PPP1R13B: variants seen among roughly 807,000 people sequenced by gnomAD.
The protein encoded by PPP1R13B is protein phosphatase 1 regulatory subunit 13B.
A neutral mutation model predicts 119.8 loss-of-function variants in PPP1R13B; 44 were observed. That is an observed-to-expected ratio of 0.37 (90% CI 0.29 to 0.47). PPP1R13B has a LOEUF of 0.47. PPP1R13B is among the 20% of genes least tolerant of loss of function. The pLI, the probability that PPP1R13B is intolerant of heterozygous loss-of-function variation, is 0.99. For synonymous variants in PPP1R13B, 542 were observed against 561.5 expected (o/e 0.97, Z 0.49); for missense variants, 1,227 against 1,413.5 (o/e 0.87, Z 2.12).
Position 103,741,343 on chromosome 14 carries a change from G to A in PPP1R13B, c.1822+447C>T, listed in dbSNP as rs114258369. ...AAACCAAGGCTTTCCTCCCCTCTGG[G>A]CTATGGGGGAGGCTCCTACGCAGCA... On this transcript the variant is annotated intron_variant, in intron 11 of 16. Coordinates refer to ENST00000202556, the MANE Select transcript of PPP1R13B (RefSeq NM_015316.3). 4.5e-3 allele frequency among the ~76,000 whole-genome samples: 681 copies of A among 152,336 alleles called. 5 individuals are homozygous for A. The highest frequency in any genetic ancestry group is 0.016 in the African/African-American group (653 of 41,576).
chr14:103,747,560 T>A (rs2084417842), intron 8 of PPP1R13B, among the ~76,000 whole-genome samples: 1 of 151,830 alleles, frequency 6.6e-6, no homozygotes, highest in East Asian at 1.9e-4. Context: ...AAACAGGTGG[T>A]GTTTGGTTAC....
In PPP1R13B at chr14:103,797,528, A is replaced by C; in HGVS notation, c.10-10T>G. On this transcript the variant is annotated splice_polypyrimidine_tract_variant and intron_variant, in intron 1 of 16. Coordinates refer to ENST00000202556, the MANE Select transcript of PPP1R13B (RefSeq NM_015316.3). ...AAACAGTTAATATCATCTGTAAGAC[A>C]AAAGAGTAAAGCTGTAATTTAGATT... The C allele has an allele frequency of 6.2e-7, 1 of 1,606,210 alleles. No homozygotes were observed. The highest frequency in any genetic ancestry group is 2.2e-5 in the East Asian group (1 of 44,616).
intron 1 of PPP1R13B, chr14:103,818,594 C>G: frequency 1.6e-6 from 1 of 634,770 alleles, no homozygotes; most frequent in Non-Finnish European, 2.0e-6. Flanking sequence ...GGATGGCCTT[C>G]AGATGACAAT....
intron 8 of PPP1R13B, chr14:103,747,508 A>G (rs1235192944): frequency 2.0e-5 from 3 of 151,770 alleles, no homozygotes; most frequent in African/African-American, 7.2e-5. Context: ...TATTTTCCAG[A>G]TGAGATTAAC....
intron 8 of PPP1R13B, chr14:103,747,420 T>C (rs1306799365): frequency 1.3e-5 from 2 of 152,194 alleles, no homozygotes; most frequent in Non-Finnish European, 2.9e-5. Flanking sequence ...TTGTGATGGA[T>C]AACTTTACAC....
At chr14:103,770,870 A>G (rs558883635) in intron 4 of PPP1R13B, among the ~76,000 whole-genome samples, 6 of 152,332 alleles carry the variant, frequency 3.9e-5, no homozygotes, top group Admixed American at 2.0e-4. Flanking sequence ...GGGCAATAAT[A>G]AAAGAACTCC....
intron 2 of PPP1R13B, among the ~76,000 whole-genome samples, chr14:103,792,454 TG>T (rs2085646596): frequency 6.6e-6 from 1 of 152,156 alleles, no homozygotes; most frequent in South Asian, 2.1e-4. Flanking sequence ...GGATTACAGG[TG>T]TGAGCTACTG....
chr14:103,777,088 G>C (rs2085220180), intron 4 of PPP1R13B, among the ~76,000 whole-genome samples: 1 of 151,726 alleles, frequency 6.6e-6, no homozygotes, highest in Admixed American at 6.6e-5. Flanking sequence ...TGCCTCCTGG[G>C]TTCATGTGAT....
rs777637825 is a variant in PPP1R13B at position 103,792,200 on chromosome 14, G to GTGTA, written c.157+5170_157+5171insTACA. Among the ~76,000 whole-genome samples, 248 of 81,628 alleles carry GTGTA rather than the reference G, an allele frequency of 3.0e-3. 2 individuals are homozygous for GTGTA. Among genetic ancestry groups the GTGTA allele is most frequent in the African/African-American group, 8.0e-3 (231 of 28,818 alleles). 53.6% of individuals were successfully genotyped at this position (81,628 alleles called of 152,430 possible). On this transcript the variant is annotated intron_variant, in intron 2 of 16. Transcript: ENST00000202556. Reference sequence around the variant, plus strand: ...TGTGTGTGTGTGTGTGTGTGTGTGTGTATATTTTTTTAAAGACAGGGTCGC... The same window carrying GTGTA: ...TGTGTGTGTGTGTGTGTGTGTGTGTGTGTATATATTTTTTTAAAGACAGGGTCGC...
intron 8 of PPP1R13B, 137 bp downstream of exon 8, chr14:103,749,657 C>A: frequency 3.3e-6 from 3 of 908,968 alleles, no homozygotes; most frequent in Non-Finnish European, 4.9e-6. Flanking sequence ...TCTGTTCTGT[C>A]ATTTTTGATG....
chr14:103,742,028 G>A lies in PPP1R13B; in HGVS notation c.1584C>T (p.Pro528=), dbSNP rs1311656750. ...CAGGTGGTCCCGCTGGCGGGTACGT[G>A]GGACTTGGCGGTACGGAAATCCTCT... ...IQQRISVPPS[P]TYPPAGPPAF... is the part of the protein sequence containing the mutation. The change falls in exon 11 of 17, where the codon CCC becomes CCT. Residue 528 remains proline, a synonymous_variant. Coordinates refer to ENST00000202556, the MANE Select transcript of PPP1R13B (RefSeq NM_015316.3). The surrounding 1 kb of genome is among the most constrained non-coding windows in gnomAD (Gnocchi z 4.9). 6.2e-7 allele frequency: 1 copy of A among 1,614,260 alleles called. No homozygotes were observed. Among genetic ancestry groups the A allele is most frequent in the Non-Finnish European group, 8.5e-7 (1 of 1,180,054 alleles).
intron 4 of PPP1R13B, among the ~76,000 whole-genome samples, chr14:103,774,619 C>G (rs975216617): frequency 1.3e-5 from 2 of 152,188 alleles, no homozygotes; most frequent in Non-Finnish European, 2.9e-5. Flanking sequence ...CACACCAACT[C>G]AGCATCCTGC....
At chr14:103,794,613 C>A in intron 2 of PPP1R13B, 1 of 449,026 alleles carries the variant, frequency 2.2e-6, no homozygotes, top group South Asian at 1.6e-5. Context: ...CAAGAGTGAG[C>A]CACAGTGCCC....
intron 4 of PPP1R13B, among the ~76,000 whole-genome samples, chr14:103,764,827 TG>T (rs1196811800): frequency 1.3e-5 from 2 of 152,158 alleles, no homozygotes; most frequent in Non-Finnish European, 2.9e-5. Flanking sequence ...TGTTTTTTTT[TG>T]TTGTTGTTTG....
chr14:103,761,252 G>A (rs1351655418), intron 4 of PPP1R13B, among the ~76,000 whole-genome samples: 1 of 132,966 alleles, frequency 7.5e-6, no homozygotes, highest in Non-Finnish European at 1.5e-5. Flanking sequence ...CCAGCCTAGG[G>A]AACAGAGCAA....
At chr14:103,748,000 G>A (rs1321012900) in intron 8 of PPP1R13B, among the ~76,000 whole-genome samples, 1 of 151,742 alleles carries the variant, frequency 6.6e-6, no homozygotes, top group Non-Finnish European at 1.5e-5. Flanking sequence ...CCACGCTGCC[G>A]GCCGCCCTCA....
At chr14:103,806,332 C>T (rs2086017511) in intron 1 of PPP1R13B, among the ~76,000 whole-genome samples, 1 of 152,178 alleles carries the variant, frequency 6.6e-6, no homozygotes, top group Admixed American at 6.6e-5. Context: ...CCTATACCAT[C>T]TACTACTTCT....
intron 2 of PPP1R13B, among the ~76,000 whole-genome samples, chr14:103,793,647 C>A (rs1417716430): frequency 6.6e-6 from 1 of 151,842 alleles, no homozygotes. Flanking sequence ...TAATTAGCAT[C>A]TTGTATAATG....
intron 3 of PPP1R13B, among the ~76,000 whole-genome samples, chr14:103,782,401 T>C (rs1030470754): frequency 1.3e-5 from 2 of 152,208 alleles, no homozygotes; most frequent in African/African-American, 4.8e-5. Context: ...CTGGTGGGCA[T>C]TTAGGTTGTT....
Sources: gnomAD v4.1 joint callset for allele counts (sites outside exome capture counted in the v4.1 genomes callset) on GRCh38, gnomAD v4.1.1 for gene constraint, Gnocchi (gnomAD v3.1) non-coding constraint, MANE v1.5 for transcripts, NCBI Gene and HGNC (gene_info 2026-07-23, HGNC 2026-07-21) for gene names.